MSRB3: variants seen among roughly 807,000 people sequenced by gnomAD.
MSRB3 encodes methionine-R-sulfoxide reductase B3.
A neutral mutation model predicts 21.0 loss-of-function variants in MSRB3; 13 were observed. The ratio of observed to expected loss-of-function variants is 0.62; its 90% CI spans 0.40 to 0.98. The LOEUF (loss-of-function observed/expected upper bound fraction) is 0.98. MSRB3 is among the 50% of genes least tolerant of loss of function. The pLI, the probability that MSRB3 is intolerant of heterozygous loss-of-function variation, is 0.00. For synonymous variants in MSRB3, 87 were observed against 88.6 expected (o/e 0.98, Z 0.10); for missense variants, 199 against 230.3 (o/e 0.86, Z 0.88).
intron 5 of MSRB3, among the ~76,000 whole-genome samples, chr12:65,399,419 A>G (rs1879996066): frequency 1.3e-5 from 2 of 152,148 alleles, no homozygotes; most frequent in South Asian, 2.1e-4. Flanking sequence ...TTTTTGTTGT[A>G]TAGGAATGCT....
chr12:65,401,520 G>T (rs913838971), intron 5 of MSRB3, among the ~76,000 whole-genome samples: 1 of 152,108 alleles, frequency 6.6e-6, no homozygotes, highest in Non-Finnish European at 1.5e-5. Flanking sequence ...CGTGAGATGG[G>T]TATCCTGAAT....
chr12:65,433,835 A>C (rs1412340203), intron 5 of MSRB3, among the ~76,000 whole-genome samples: 1 of 151,926 alleles, frequency 6.6e-6, no homozygotes, highest in Non-Finnish European at 1.5e-5. Context: ...CCTGCAGCCC[A>C]ATAAGAGACG....
At chr12:65,411,158 C>G (rs1357458074) in intron 5 of MSRB3, among the ~76,000 whole-genome samples, 1 of 152,166 alleles carries the variant, frequency 6.6e-6, no homozygotes, top group Non-Finnish European at 1.5e-5. Flanking sequence ...AGTTTCTTTT[C>G]CTACTTATAT....
chr12:65,323,759 G>A (rs1318523846), intron 2 of MSRB3, among the ~76,000 whole-genome samples: 1 of 152,132 alleles, frequency 6.6e-6, no homozygotes. Context: ...AGTCTGATAG[G>A]GAGAAGGGAA....
At chr12:65,392,511 C>T (rs1879538350) in intron 5 of MSRB3, among the ~76,000 whole-genome samples, 1 of 152,162 alleles carries the variant, frequency 6.6e-6, no homozygotes. Context: ...GACTGTGTCT[C>T]AATTTGTACA....
intron 5 of MSRB3, among the ~76,000 whole-genome samples, chr12:65,414,228 A>G (rs1401423932): frequency 6.6e-6 from 1 of 152,166 alleles, no homozygotes; most frequent in East Asian, 1.9e-4. Context: ...ATAGAGAGCT[A>G]CATATGAAAG....
At position 65,292,050 on chromosome 12, in the gene MSRB3, G is replaced by A. The variant is rs116177851; in HGVS notation, c.-52+13185G>A. ...GTGGTGGTGGCAGAACTGAGACCTT[G>A]CTGATTGGATATAAAGTCTAAGGAA... is the stretch of plus-strand genomic sequence containing the variant. On this transcript the variant is annotated intron_variant, in intron 1 of 6. Coordinates refer to ENST00000308259, the MANE Select transcript of MSRB3 (RefSeq NM_001031679.3). Among the ~76,000 whole-genome samples, 491 of 152,274 alleles carry A rather than the reference G, an allele frequency of 3.2e-3. 5 individuals are homozygous for A. The highest frequency in any genetic ancestry group is 0.011 in the African/African-American group (460 of 41,546).
At chr12:65,341,943 ATGTTTCATTAAATC>A (rs1200167145) in intron 4 of MSRB3, among the ~76,000 whole-genome samples, 1 of 151,992 alleles carries the variant, frequency 6.6e-6, no homozygotes. Flanking sequence ...AATGAATACT[ATGTTTCATTAAATC>A]TAAGAAGTCA....
At chr12:65,418,106 G>A (rs1220637731) in intron 5 of MSRB3, among the ~76,000 whole-genome samples, 3 of 152,050 alleles carry the variant, frequency 2.0e-5, no homozygotes, top group South Asian at 2.1e-4. Context: ...TTTTCTCCAC[G>A]TCTTCACTGG....
At chr12:65,339,518 A>G (rs1876002735) in intron 4 of MSRB3, among the ~76,000 whole-genome samples, 1 of 152,200 alleles carries the variant, frequency 6.6e-6, no homozygotes, top group Non-Finnish European at 1.5e-5. Context: ...TGACATCACT[A>G]AATGTGGGGT....
intron 4 of MSRB3, among the ~76,000 whole-genome samples, chr12:65,348,084 A>T (rs1237583640): frequency 1.3e-5 from 2 of 152,170 alleles, no homozygotes; most frequent in Non-Finnish European, 2.9e-5. Context: ...TGGTATCAGG[A>T]TGATGCTGGC....
chr12:65,326,761 G>C, intron 2 of MSRB3, 65 bp from the exon 3 acceptor site: 1 of 1,309,118 alleles, frequency 7.6e-7, no homozygotes, highest in Non-Finnish European at 1.1e-6. Flanking sequence ...GTGGCGGTCA[G>C]CCAAAGCAAT....
intron 4 of MSRB3, among the ~76,000 whole-genome samples, chr12:65,364,716 G>T (rs1210179830): frequency 6.6e-6 from 1 of 152,148 alleles, no homozygotes; most frequent in East Asian, 1.9e-4. Context: ...AAGAGTCGAG[G>T]TGATCATAGT....
intron 5 of MSRB3, among the ~76,000 whole-genome samples, chr12:65,416,726 A>G (rs1880997794): frequency 6.6e-6 from 1 of 152,228 alleles, no homozygotes; most frequent in Non-Finnish European, 1.5e-5. Context: ...CAGATCCATT[A>G]TAATATTACG....
chr12:65,459,906 T>G (rs1883248362), intron 6 of MSRB3, among the ~76,000 whole-genome samples: 1 of 152,208 alleles, frequency 6.6e-6, no homozygotes, highest in Non-Finnish European at 1.5e-5. Flanking sequence ...CTTGGTTCTC[T>G]GCAGGTTCTT....
intron 4 of MSRB3, among the ~76,000 whole-genome samples, chr12:65,357,239 C>T (rs1432533546): frequency 6.6e-6 from 1 of 151,874 alleles, no homozygotes; most frequent in Non-Finnish European, 1.5e-5. Context: ...TTTTGCTCCA[C>T]CTCCACGCAC....
intron 2 of MSRB3, among the ~76,000 whole-genome samples, chr12:65,317,305 A>T (rs998602631): frequency 2.0e-5 from 3 of 152,192 alleles, no homozygotes; most frequent in African/African-American, 7.2e-5. Context: ...TTACCATTTT[A>T]CCATCTTGGT....
chr12:65,405,745 T>C (rs1043556996), intron 5 of MSRB3, among the ~76,000 whole-genome samples: 19 of 152,148 alleles, frequency 1.2e-4, no homozygotes, highest in Admixed American at 1.3e-4. Flanking sequence ...CCAACACTTT[T>C]ATCTTTCACC....
chr12:65,332,397 G>A (rs1034770468), intron 4 of MSRB3, among the ~76,000 whole-genome samples: 6 of 152,044 alleles, frequency 3.9e-5, no homozygotes, highest in Admixed American at 6.6e-5. Flanking sequence ...GGAACCGTAT[G>A]AGAAATACTA....
Sources: gnomAD v4.1 joint callset for allele counts (sites outside exome capture counted in the v4.1 genomes callset) on GRCh38, gnomAD v4.1.1 for gene constraint, MANE v1.5 for transcripts, NCBI Gene and HGNC (gene_info 2026-07-23, HGNC 2026-07-21) for gene names.